CUBN: variants seen among roughly 807,000 people sequenced by gnomAD.
CUBN encodes the protein cubilin.
A neutral mutation model predicts 405.3 loss-of-function variants in CUBN; 282 were observed. That is an observed-to-expected ratio of 0.70 (90% CI 0.63 to 0.77). CUBN has a LOEUF of 0.77. CUBN is among the 30% of genes least tolerant of loss of function. The pLI, the probability that CUBN is intolerant of heterozygous loss-of-function variation, is 0.00. For missense variants in CUBN, 4,514 were observed against 4,475.2 expected (o/e 1.01, Z -0.25); for synonymous variants, 1,684 against 1,617.0 (o/e 1.04, Z -0.99).
chr10:16,851,227 A>T lies in CUBN; in HGVS notation c.9663+8T>A. 1 of 1,605,708 alleles carries T rather than the reference A, an allele frequency of 6.2e-7. No homozygotes were observed. The highest frequency in any genetic ancestry group is 8.5e-7 in the Non-Finnish European group (1 of 1,172,928). ...ATAGACTCTGTTAAAAAAATAAAAC[A>T]GCCTTACCTTTACATAATCATAAAG... On this transcript the variant is annotated splice_region_variant and intron_variant, in intron 60 of 66. Coordinates refer to ENST00000377833, the MANE Select transcript of CUBN (RefSeq NM_001081.4).
chr10:16,851,560 T>A, intron 59 of CUBN, 117 bp from the exon 60 acceptor site: 1 of 933,730 alleles, frequency 1.1e-6, no homozygotes. Flanking sequence ...GAGAACATGA[T>A]CAGATCATTC....
At chr10:16,976,188 T>A (rs139054391) in intron 31 of CUBN, among the ~76,000 whole-genome samples, 2,861 of 151,918 alleles carry the variant, frequency 0.019, 88 homozygotes, top group African/African-American at 0.065. Context: ...CCCAGGCTGG[T>A]CTCAAACTCC....
chr10:16,835,699 A>G (rs1412818212), intron 63 of CUBN, among the ~76,000 whole-genome samples: 2 of 152,088 alleles, frequency 1.3e-5, no homozygotes, highest in African/African-American at 4.8e-5. Context: ...ATTCAAAATA[A>G]GTACTAAATA....
intron 27 of CUBN, chr10:17,023,643 T>A (rs1176439316): frequency 4.4e-6 from 2 of 455,902 alleles, no homozygotes; most frequent in Non-Finnish European, 4.4e-6. Flanking sequence ...TCATTGCAAC[T>A]ACTGACAAGC....
chr10:16,828,706 G>C (rs1588563551), intron 66 of CUBN, 99 bp downstream of exon 66: 2 of 943,234 alleles, frequency 2.1e-6, no homozygotes, highest in South Asian at 1.4e-5. Flanking sequence ...TGGGTGACAA[G>C]AGCGAGATTC....
At chr10:17,026,624 A>G (rs1419268101) in intron 27 of CUBN, among the ~76,000 whole-genome samples, 1 of 128,864 alleles carries the variant, frequency 7.8e-6, no homozygotes, top group Admixed American at 8.4e-5. Flanking sequence ...ACAGAGCAAG[A>G]TTCTCTCAAA....
At chr10:17,041,251 T>C (rs371765973) in intron 26 of CUBN, 31 bp from the exon 27 acceptor site, 42 of 1,557,302 alleles carry the variant, frequency 2.7e-5, no homozygotes, top group Middle Eastern at 1.7e-4. Flanking sequence ...TAAGAACCAC[T>C]ATTATATACT....
chr10:16,840,743 CAATTGACATTGAGTTTAGATAGT>C (rs1839322575), intron 61 of CUBN, 119 bp downstream of exon 61: 7 of 856,196 alleles, frequency 8.2e-6, no homozygotes, highest in Non-Finnish European at 9.6e-6. Context: ...TGGTGTTTAG[CAATTGACATTGAGTTTAGATAGT>C]AATTGACATT....
intron 15 of CUBN, among the ~76,000 whole-genome samples, chr10:17,087,460 A>ATTTTTTTTTT (rs1564510318): frequency 1.7e-4 from 17 of 99,094 alleles, no homozygotes; most frequent in Admixed American, 2.5e-4. Flanking sequence ...AATCACTATT[A>ATTTTTTTTTT]TTTTTCTTTT....
intron 58 of CUBN, among the ~76,000 whole-genome samples, chr10:16,871,034 C>CT (rs397968194): frequency 0.1 from 15,205 of 145,334 alleles, 925 homozygotes; most frequent in African/African-American, 0.16. Context: ...TCTGCTTTTT[C>CT]TTTTTTTTTT....
At chr10:17,093,182 C>G (rs2131288462) in intron 14 of CUBN, among the ~76,000 whole-genome samples, 1 of 152,256 alleles carries the variant, frequency 6.6e-6, no homozygotes, top group East Asian at 1.9e-4. Context: ...AGGAAAGCAG[C>G]TGCATGGAAA....
chr10:16,912,983 A>G (rs1293610576), intron 48 of CUBN, among the ~76,000 whole-genome samples: 5 of 152,236 alleles, frequency 3.3e-5, no homozygotes, highest in Non-Finnish European at 7.3e-5. Flanking sequence ...AAATAATCCA[A>G]GTGAACGGTG....
intron 3 of CUBN, 44 bp downstream of exon 3, chr10:17,127,785 T>G (rs1837233269): frequency 7.1e-7 from 1 of 1,407,136 alleles, no homozygotes; most frequent in African/African-American, 1.4e-5. Flanking sequence ...ACAATAGAAC[T>G]AGGGAGAACT....
In CUBN at chr10:16,982,581, T is replaced by G; in HGVS notation, c.4598A>C (p.Asn1533Thr). The G allele has an allele frequency of 6.2e-7, 1 of 1,613,792 alleles. No individual in the cohort carries two copies. The highest frequency in any genetic ancestry group is 8.5e-7 in the Non-Finnish European group (1 of 1,179,680). The change falls in exon 31 of 67, where the codon AAC (asparagine) becomes ACC (threonine). Residue 1533 changes from asparagine to threonine, a missense_variant. By Grantham distance (65) the Asn-to-Thr change is moderately conservative. Transcript: ENST00000377833. ...SPNYPSPYRS[N>T]TDCSWVIRVD... is the part of the protein sequence containing the mutation. Reference sequence around the variant, plus strand: ...CCGAATGACCCAAGAACAGTCTGTGTTGCTCCTATAAGGACTGGGGTAATT... The same window carrying G: ...CCGAATGACCCAAGAACAGTCTGTGGTGCTCCTATAAGGACTGGGGTAATT...
At chr10:16,834,913 G>T in intron 64 of CUBN, 101 bp downstream of exon 64, 1 of 1,138,408 alleles carries the variant, frequency 8.8e-7, no homozygotes, top group Non-Finnish European at 1.3e-6. Flanking sequence ...AAACAAATAA[G>T]AATCATATAA....
chr10:17,104,269 T>C, intron 12 of CUBN, 150 bp downstream of exon 12: 1 of 670,534 alleles, frequency 1.5e-6, no homozygotes, highest in Non-Finnish European at 2.6e-6. Context: ...TTGTGAATTT[T>C]ATACCATTTC....
At chr10:16,951,888 C>T (rs1842930689) in intron 33 of CUBN, among the ~76,000 whole-genome samples, 1 of 152,134 alleles carries the variant, frequency 6.6e-6, no homozygotes, top group African/African-American at 2.4e-5. Context: ...CTGTCTTGAA[C>T]ATCAGCTATA....
intron 54 of CUBN, among the ~76,000 whole-genome samples, chr10:16,898,689 C>T (rs987133898): frequency 1.3e-5 from 2 of 152,068 alleles, no homozygotes; most frequent in African/African-American, 4.8e-5. Flanking sequence ...GGTCTTAATG[C>T]CCAAGGTGAA....
chr10:16,895,278 T>G (rs1841148174), intron 54 of CUBN, among the ~76,000 whole-genome samples: 1 of 151,996 alleles, frequency 6.6e-6, no homozygotes, highest in African/African-American at 2.4e-5. Context: ...GTTACAAGAG[T>G]TCCTAAAAAA....
Sources: gnomAD v4.1 joint callset for allele counts (sites outside exome capture counted in the v4.1 genomes callset) on GRCh38, gnomAD v4.1.1 for gene constraint, MANE v1.5 for transcripts, NCBI Gene and HGNC (gene_info 2026-07-23, HGNC 2026-07-21) for gene names.